The following RBPJ variants were observed in gnomAD, a reference collection of about 807,000 sequenced individuals.
RBPJ encodes the protein recombining binding protein suppressor of hairless.
In RBPJ, 9 loss-of-function variants were observed where a neutral mutation model predicts 67.8. That is an observed-to-expected ratio of 0.13 (90% CI 0.08 to 0.23). The LOEUF (loss-of-function observed/expected upper bound fraction) is 0.23. RBPJ is among the 10% of genes least tolerant of loss of function. The pLI is 1.00. For missense variants in RBPJ, 305 were observed against 595.6 expected (o/e 0.51, Z 5.08); for synonymous variants, 198 against 203.3 (o/e 0.97, Z 0.22).
chr4:26,185,486 G>C (rs1717212679), intron 1 of RBPJ, among the ~76,000 whole-genome samples: 1 of 152,172 alleles, frequency 6.6e-6, no homozygotes, highest in Non-Finnish European at 1.5e-5. Context: ...GGAATTACGA[G>C]GTTGTATGGA....
intron 1 of RBPJ, among the ~76,000 whole-genome samples, chr4:26,169,743 G>A (rs574112918): frequency 3.9e-5 from 6 of 152,352 alleles, no homozygotes; most frequent in East Asian, 3.9e-4. Context: ...CGAGCTTCCC[G>A]GCTTTTTTGT....
chr4:26,212,159 G>A (rs982097702), intron 1 of RBPJ, among the ~76,000 whole-genome samples: 1 of 152,058 alleles, frequency 6.6e-6, no homozygotes, highest in Admixed American at 6.6e-5. Context: ...ATTTCAGCTT[G>A]TGATCCTCCC....
At chr4:26,176,666 G>A (rs1268161135) in intron 1 of RBPJ, among the ~76,000 whole-genome samples, 1 of 152,206 alleles carries the variant, frequency 6.6e-6, no homozygotes, top group Admixed American at 6.5e-5. Context: ...ACTTCCCCAC[G>A]TATATAGGCA....
At position 26,202,436 on chromosome 4, in the gene RBPJ, A is replaced by G. The variant is rs954785770; in HGVS notation, c.-167+38822A>G. Among the ~76,000 whole-genome samples, 4 of 151,970 alleles carry G rather than the reference A, an allele frequency of 2.6e-5. No individual in the cohort carries two copies. The East Asian group carries it at 5.8e-4, about 22-fold the overall frequency. On this transcript the variant is annotated intron_variant, in intron 1 of 4. Transcript: ENST00000512351. ...CAAATTTCAACATATCTAAAACCTG[A>G]TCTTTCCTTCCCCCCAGCCCAGCTT... is the stretch of plus-strand genomic sequence containing the variant.
intron 1 of RBPJ, among the ~76,000 whole-genome samples, chr4:26,170,878 T>G (rs1370550600): frequency 6.6e-6 from 1 of 152,204 alleles, no homozygotes; most frequent in Non-Finnish European, 1.5e-5. Flanking sequence ...CTTCAATTTT[T>G]CCATCTCTAA....
chr4:26,337,648 T>A (rs1446190459), intron 1 of RBPJ, among the ~76,000 whole-genome samples: 1 of 151,976 alleles, frequency 6.6e-6, no homozygotes, highest in Non-Finnish European at 1.5e-5. Flanking sequence ...CATTTGTATT[T>A]TCCTTGTGAA....
chr4:26,193,343 T>A (rs572015302), intron 1 of RBPJ, among the ~76,000 whole-genome samples: 1 of 152,326 alleles, frequency 6.6e-6, no homozygotes, highest in East Asian at 1.9e-4. Context: ...CTTGCTTCCA[T>A]ATTGAAAATG....
At chr4:26,373,915 C>CT (rs765161799) in intron 1 of RBPJ, among the ~76,000 whole-genome samples, 56,383 of 113,228 alleles carry the variant, frequency 0.5, 15,878 homozygotes, top group East Asian at 0.61. Flanking sequence ...TTATTTTTTA[C>CT]TTTTTTTTTT....
At chr4:26,410,499 TGAAG>T (rs1733912449) in intron 3 of RBPJ, among the ~76,000 whole-genome samples, 1 of 152,200 alleles carries the variant, frequency 6.6e-6, no homozygotes. Context: ...AGAGCTTTCT[TGAAG>T]GAAGTAATTA....
At chr4:26,107,149 C>A in the RBPJ span, among the ~76,000 whole-genome samples, 45 of 152,324 alleles carry the variant, frequency 3.0e-4, no homozygotes, top group East Asian at 8.1e-3. Context: ...TCTGGGCAAT[C>A]CCAAGTACTT....
Position 26,221,146 on chromosome 4 carries a change from G to A in RBPJ, c.-167+57532G>A, listed in dbSNP as rs188431789. Among the ~76,000 whole-genome samples the A allele has an allele frequency of 7.6e-3, 1,153 of 152,158 alleles. 13 individuals are homozygous for A. The highest frequency in any genetic ancestry group is 0.026 in the African/African-American group (1,095 of 41,530). On this transcript the variant is annotated intron_variant, in intron 1 of 4. Transcript: ENST00000512351. ...CGTTCCGTCGCCCAGGCTGGAGTGC[G>A]GTGGCGCGATCTCGGCTCACTGCAA...
upstream of RBPJ, chr4:26,320,557 G>A: frequency 7.5e-6 from 4 of 531,220 alleles, no homozygotes; most frequent in South Asian, 1.2e-4. Flanking sequence ...AAGCCGCTTG[G>A]AAAACACCCA....
At chr4:26,407,458 A>T (rs1355184056) in intron 3 of RBPJ, among the ~76,000 whole-genome samples, 1 of 152,142 alleles carries the variant, frequency 6.6e-6, no homozygotes, top group Non-Finnish European at 1.5e-5. Flanking sequence ...AAAATTATTT[A>T]TTGTGGTATT....
In RBPJ at chr4:26,377,904, A is replaced by G. The variant is rs538274651; in HGVS notation, c.21-8449A>G. ...AAACAAAACTTCTTTGTCAAATTAT[A>G]TAATGCATTTTAAAGCAAAATACAA... On this transcript the variant is annotated intron_variant, in intron 1 of 10. Coordinates refer to ENST00000355476, the MANE Select transcript of RBPJ (RefSeq NM_015874.6). 1.8e-4 allele frequency among the ~76,000 whole-genome samples: 28 copies of G among 152,340 alleles called. No individual in the cohort carries two copies. The East Asian group carries it at 1.9e-3, about 10-fold the overall frequency.
chr4:26,144,479 A>G, the RBPJ span, among the ~76,000 whole-genome samples: 2 of 152,050 alleles, frequency 1.3e-5, no homozygotes, highest in East Asian at 1.9e-4. Context: ...CTTGTTGGCC[A>G]GGCTGGTCTC....
intron 1 of RBPJ, among the ~76,000 whole-genome samples, chr4:26,191,356 A>T (rs1200666094): frequency 6.6e-6 from 1 of 150,994 alleles, no homozygotes; most frequent in Non-Finnish European, 1.5e-5. Context: ...AAATCAAGAG[A>T]GAGAACAACT....
At chr4:26,203,538 A>G (rs1035269588) in intron 1 of RBPJ, among the ~76,000 whole-genome samples, 2 of 152,056 alleles carry the variant, frequency 1.3e-5, no homozygotes, top group African/African-American at 4.8e-5. Flanking sequence ...CTAACAAGTA[A>G]GCTCGGTGAG....
At chr4:26,413,474 A>G (rs1734242090) in intron 3 of RBPJ, among the ~76,000 whole-genome samples, 1 of 152,044 alleles carries the variant, frequency 6.6e-6, no homozygotes, top group Admixed American at 6.6e-5. Context: ...CCATGAGGAG[A>G]GGAATTTTGT....
At chr4:26,114,750 T>C in the RBPJ span, among the ~76,000 whole-genome samples, 4 of 152,122 alleles carry the variant, frequency 2.6e-5, no homozygotes, top group Non-Finnish European at 5.9e-5. Flanking sequence ...TGGGTGTATA[T>C]GTAAATATAT....
Sources: allele counts gnomAD v4.1 joint callset (sites outside exome capture counted in the v4.1 genomes callset), GRCh38; gene constraint gnomAD v4.1.1; transcripts MANE v1.5; gene names NCBI Gene and HGNC (gene_info 2026-07-23, HGNC 2026-07-21).